Variants in LLGL2 observed in about 807,000 individuals in gnomAD.
LLGL2 encodes the protein LLGL scribble cell polarity complex component 2, also known as LLGL2, scribble cell polarity complex component.
LLGL2 carries 81 observed loss-of-function variants against 123.2 expected under a neutral mutation model. The ratio of observed to expected loss-of-function variants is 0.66; its 90% CI spans 0.55 to 0.79. The LOEUF is 0.79. LLGL2 is among the 30% of genes least tolerant of loss of function. The probability of loss-of-function intolerance (pLI) is 0.00; values close to 1 mark genes in which losing one functional copy is unlikely to be tolerated. For synonymous variants in LLGL2, 577 were observed against 594.1 expected (o/e 0.97, Z 0.42); for missense variants, 1,273 against 1,414.6 (o/e 0.90, Z 1.61).
In LLGL2 at chr17:75,574,240, G is replaced by C. The variant is rs201959215; in HGVS notation, c.2933G>C (p.Arg978Pro). ...EEKQPGLVME[R>P]ALLSDERVLK... ...AAGCAGCCCGGCCTGGTGATGGAGC[G>C]CGCTCTGCTCAGTGATGAGAGTGAG... The change falls in exon 23 of 26, where the codon CGC becomes CCC. Residue 978 changes from arginine (R) to proline (P), a missense_variant. Coordinates refer to ENST00000392550, the MANE Select transcript of LLGL2 (RefSeq NM_001031803.2). The C allele has an allele frequency of 5.8e-6, 9 of 1,541,216 alleles. No homozygotes were observed. The South Asian group carries it at 1.1e-4, about 19-fold the overall frequency.
At chr17:75,567,950 GAA>G (rs141562656) in intron 10 of LLGL2, 42,261 of 479,608 alleles carry the variant, frequency 0.088, 1,227 homozygotes, top group Middle Eastern at 0.16. Context: ...CTCGAGAAAA[GAA>G]AAAAAAAAAA....
rs1229394038 is a variant in LLGL2, at chr17:75,570,904, G to A, written c.2026-46G>A. 7 of 1,553,436 alleles carry A rather than the reference G, an allele frequency of 4.5e-6. No individual in the cohort carries two copies. The East Asian group carries it at 1.6e-4, about 35-fold the overall frequency. On this transcript the variant is annotated intron_variant, in intron 16 of 25. Transcript: ENST00000392550. ...GCACTGAGCGAAGCACTGTTCCTGG[G>A]GAGGGGAGTCCAGAGCTGACCCTTA...
chr17:75,545,684 T>G (rs1056485678), intron 2 of LLGL2, among the ~76,000 whole-genome samples: 1 of 152,056 alleles, frequency 6.6e-6, no homozygotes, highest in Non-Finnish European at 1.5e-5. Context: ...AGGGAGTGAA[T>G]AGTGGTCCCA....
Position 75,571,788 on chromosome 17 carries a change from G to C in LLGL2, c.2293+5G>C. 1.2e-6 allele frequency: 2 copies of C among 1,606,126 alleles called. No individual in the cohort carries two copies. Among genetic ancestry groups the C allele is most frequent in the South Asian group, 1.1e-5 (1 of 91,052 alleles). On this transcript the variant is annotated splice_donor_5th_base_variant and intron_variant, in intron 18 of 25. Transcript: ENST00000392550. ...AGCCTGTGCGGGCAGAGCAGGGTGAGTGCTGGGCAGGGAGAGCAGAGGGTG... is the reference window on the plus strand; with the variant it reads ...AGCCTGTGCGGGCAGAGCAGGGTGACTGCTGGGCAGGGAGAGCAGAGGGTG...
chr17:75,532,077 C>CACACACACACACACACA (rs58220046), intron 1 of LLGL2, among the ~76,000 whole-genome samples: 28 of 83,984 alleles, frequency 3.3e-4, no homozygotes, highest in African/African-American at 6.9e-4. Context: ...CACACACACA[C>CACACACACACACACACA]TTTTTTTTTT....
chr17:75,570,923 A>C, intron 16 of LLGL2, 27 bp from the exon 17 acceptor site: 1 of 1,585,198 alleles, frequency 6.3e-7, no homozygotes, highest in Non-Finnish European at 8.6e-7. Flanking sequence ...TCCAGAGCTG[A>C]CCCTTAGGCT....
chr17:75,554,474 G>C lies in LLGL2; in HGVS notation c.76-1572G>C, dbSNP rs907638420. Reference sequence around the variant, plus strand: ...CAAAAATTAAAAAGTAGCCGGGTGTGGCAGGTGTGGTGGTGCATGCCTGTA... The same window carrying C: ...CAAAAATTAAAAAGTAGCCGGGTGTCGCAGGTGTGGTGGTGCATGCCTGTA... On this transcript the variant is annotated intron_variant, in intron 2 of 25. Transcript: ENST00000392550. Among the ~76,000 whole-genome samples the C allele has an allele frequency of 7.2e-5, 11 of 152,002 alleles. 1 individual carries two copies. The highest frequency in any genetic ancestry group is 2.7e-4 in the African/African-American group (11 of 41,458).
chr17:75,574,096 C>T (rs915256493), intron 22 of LLGL2, 116 bp downstream of exon 22: 16 of 1,546,460 alleles, frequency 1.0e-5, no homozygotes, highest in East Asian at 2.4e-5. Context: ...GGAATAGAGA[C>T]GGCATTCCTT....
chr17:75,554,990 G>T (rs552433183), intron 2 of LLGL2, among the ~76,000 whole-genome samples: 1 of 150,560 alleles, frequency 6.6e-6, no homozygotes, highest in Non-Finnish European at 1.5e-5. Context: ...AGGAGATAGA[G>T]ACACGGTGAA....
intron 6 of LLGL2, among the ~76,000 whole-genome samples, chr17:75,560,802 T>TAAAAAAAAAAAA (rs372940306): frequency 3.0e-4 from 29 of 96,062 alleles, no homozygotes; most frequent in Non-Finnish European, 4.5e-4. Flanking sequence ...GTTTATTTAT[T>TAAAAAAAAAAAA]AAAAAAAAAA....
At chr17:75,526,487 G>T (rs1030497473) in intron 1 of LLGL2, among the ~76,000 whole-genome samples, 2 of 152,234 alleles carry the variant, frequency 1.3e-5, no homozygotes, top group Non-Finnish European at 2.9e-5. Flanking sequence ...TCTTGCCAAA[G>T]AAAGTGTGTC....
At chr17:75,553,462 A>T (rs1217433358) in intron 2 of LLGL2, among the ~76,000 whole-genome samples, 1 of 152,150 alleles carries the variant, frequency 6.6e-6, no homozygotes, top group Non-Finnish European at 1.5e-5. Flanking sequence ...GCAGGTAGCA[A>T]TTGGGTTTGC....
chr17:75,535,119 C>T (rs988652365), intron 1 of LLGL2, among the ~76,000 whole-genome samples: 1 of 152,206 alleles, frequency 6.6e-6, no homozygotes, highest in Non-Finnish European at 1.5e-5. Context: ...CGGCTACAGG[C>T]GTCTGAGTTG....
chr17:75,551,454 G>A (rs1367306132), intron 2 of LLGL2, among the ~76,000 whole-genome samples: 2 of 128,196 alleles, frequency 1.6e-5, no homozygotes, highest in Admixed American at 9.3e-5. Context: ...CTCAGTCCCT[G>A]TTCTAAATCA....
chr17:75,542,368 G>T (rs1598534710), intron 1 of LLGL2, among the ~76,000 whole-genome samples: 1 of 152,030 alleles, frequency 6.6e-6, no homozygotes, highest in African/African-American at 2.4e-5. Context: ...CGCCTCCAGG[G>T]TGCGGCCTGG....
intron 10 of LLGL2, among the ~76,000 whole-genome samples, chr17:75,567,249 A>G (rs1275353186): frequency 6.6e-6 from 1 of 152,154 alleles, no homozygotes; most frequent in Non-Finnish European, 1.5e-5. Context: ...AGATCACCTG[A>G]GGTTAGGGGT....
chr17:75,573,499 C>T lies in LLGL2; in HGVS notation c.2744C>T (p.Pro915Leu). The change falls in exon 21 of 26, where the codon CCC becomes CTC. Residue 915 changes from proline to leucine, a missense_variant. Physicochemically the swap from Pro to Leu is moderately conservative, Grantham distance 98. Transcript: ENST00000392550. ...KYGQGFYLIS[P>L]SEFERFSLST... ...TCCCCAGGCTTCTACCTGATCTCAC[C>T]CTCGGAGTTTGAGCGCTTCTCTCTC... is the stretch of plus-strand genomic sequence containing the variant. 6.2e-7 allele frequency: 1 copy of T among 1,611,528 alleles called. No homozygotes were observed. Among genetic ancestry groups the T allele is most frequent in the Non-Finnish European group, 8.5e-7 (1 of 1,178,720 alleles).
chr17:75,554,073 G>T (rs531744285), intron 2 of LLGL2, among the ~76,000 whole-genome samples: 25 of 152,096 alleles, frequency 1.6e-4, no homozygotes, highest in Admixed American at 7.2e-4. Flanking sequence ...AGGCCAAGGC[G>T]GGCAGATCAC....
chr17:75,540,063 A>AG (rs2054150356), intron 1 of LLGL2, among the ~76,000 whole-genome samples: 1 of 151,976 alleles, frequency 6.6e-6, no homozygotes, highest in Non-Finnish European at 1.5e-5. Context: ...CCCTTTACAG[A>AG]GGAGCTGTCT....
Sources: allele counts gnomAD v4.1 joint callset (sites outside exome capture counted in the v4.1 genomes callset), GRCh38; gene constraint gnomAD v4.1.1; transcripts MANE v1.5; gene names NCBI Gene and HGNC (gene_info 2026-07-23, HGNC 2026-07-21).